The following ITPR1 variants were observed in gnomAD, a reference collection of about 807,000 sequenced individuals.
ITPR1 encodes inositol 1,4,5-trisphosphate-gated calcium channel ITPR1.
A neutral mutation model predicts 318.4 loss-of-function variants in ITPR1; 96 were observed. The observed-to-expected ratio is 0.30, with a 90% CI of 0.26 to 0.36. ITPR1 has a LOEUF of 0.36. Ranked by LOEUF, ITPR1 falls within the 10% of genes least tolerant of loss-of-function variation. The pLI is 1.00. For missense variants in ITPR1, 2,440 were observed against 3,460.2 expected (o/e 0.71, Z 7.40); for synonymous variants, 1,312 against 1,289.9 (o/e 1.02, Z -0.37).
rs949968118 is a variant in ITPR1 at position 4,672,038 on chromosome 3, G to A, written c.2205-1098G>A. On this transcript the variant is annotated intron_variant, in intron 20 of 61. Transcript: ENST00000649015. ...TTAATCCATTTCTGTAATTTGGACTGTTGGATGATATTCTGTTTTATTGAT... is the reference window on the plus strand; with the variant it reads ...TTAATCCATTTCTGTAATTTGGACTATTGGATGATATTCTGTTTTATTGAT... 9.2e-5 allele frequency among the ~76,000 whole-genome samples: 14 copies of A among 152,316 alleles called. No individual in the cohort carries two copies. In the South Asian group the frequency reaches 2.9e-3, roughly 32 times the overall value.
chr3:4,507,878 G>T (rs1460806795), intron 2 of ITPR1, among the ~76,000 whole-genome samples: 1 of 152,176 alleles, frequency 6.6e-6, no homozygotes, highest in Non-Finnish European at 1.5e-5. Context: ...TTTAATAATA[G>T]ATGAGCTATA....
chr3:4,623,025 TG>T (rs2092698394), intron 4 of ITPR1, among the ~76,000 whole-genome samples: 1 of 152,236 alleles, frequency 6.6e-6, no homozygotes. Flanking sequence ...TTCTTTTACT[TG>T]GTCACTGACA....
At chr3:4,758,387 A>C (rs943545049) in intron 44 of ITPR1, among the ~76,000 whole-genome samples, 3 of 152,070 alleles carry the variant, frequency 2.0e-5, no homozygotes, top group Non-Finnish European at 4.4e-5. Flanking sequence ...GGACACATAC[A>C]TCTATGCTCC....
chr3:4,746,079 C>T (rs2044086418), intron 44 of ITPR1, among the ~76,000 whole-genome samples: 1 of 152,188 alleles, frequency 6.6e-6, no homozygotes, highest in Non-Finnish European at 1.5e-5. Flanking sequence ...GGCACTGTTA[C>T]TTCAGGATTC....
intron 4 of ITPR1, among the ~76,000 whole-genome samples, chr3:4,597,106 A>G (rs1461217864): frequency 6.6e-6 from 1 of 152,228 alleles, no homozygotes; most frequent in Non-Finnish European, 1.5e-5. Flanking sequence ...CCATGCAGAA[A>G]TATGAGCCCC....
chr3:4,704,249 C>T (rs1044531946), intron 36 of ITPR1, among the ~76,000 whole-genome samples: 4 of 152,134 alleles, frequency 2.6e-5, no homozygotes, highest in African/African-American at 9.7e-5. Flanking sequence ...CCCATCTCTA[C>T]TAAAAATACA....
intron 4 of ITPR1, among the ~76,000 whole-genome samples, chr3:4,593,836 T>C (rs547972475): frequency 2.0e-4 from 31 of 152,286 alleles, no homozygotes; most frequent in Non-Finnish European, 3.8e-4. Context: ...GAAATGTGAA[T>C]TGAGGCCTAT....
At chr3:4,741,911 G>A (rs935076059) in intron 44 of ITPR1, among the ~76,000 whole-genome samples, 1 of 152,234 alleles carries the variant, frequency 6.6e-6, no homozygotes, top group Non-Finnish European at 1.5e-5. Context: ...ATGTGGGAAA[G>A]GAGTGAAGCC....
intron 5 of ITPR1, among the ~76,000 whole-genome samples, chr3:4,628,628 T>G (rs1014470897): frequency 1.2e-4 from 19 of 152,194 alleles, no homozygotes; most frequent in African/African-American, 4.6e-4. Flanking sequence ...CTTCATTTTC[T>G]CCCCGTCATG....
intron 54 of ITPR1, 62 bp from the exon 55 acceptor site, chr3:4,806,041 T>A (rs1485990547): frequency 7.2e-7 from 1 of 1,380,200 alleles, no homozygotes; most frequent in African/African-American, 1.4e-5. Flanking sequence ...GATGCTCTCG[T>A]TGCTCTCATG....
chr3:4,567,085 A>G (rs1386675784), intron 4 of ITPR1, among the ~76,000 whole-genome samples: 2 of 152,204 alleles, frequency 1.3e-5, no homozygotes, highest in Admixed American at 6.5e-5. Context: ...TGGGGATAAT[A>G]ATACCTATTT....
intron 2 of ITPR1, among the ~76,000 whole-genome samples, chr3:4,502,104 A>G (rs1456395401): frequency 6.6e-6 from 1 of 152,194 alleles, no homozygotes; most frequent in Non-Finnish European, 1.5e-5. Flanking sequence ...CTGATACGAC[A>G]CCCAGACGAC....
intron 23 of ITPR1, among the ~76,000 whole-genome samples, chr3:4,676,113 A>G (rs1279441718): frequency 1.3e-5 from 2 of 151,950 alleles, no homozygotes; most frequent in East Asian, 3.9e-4. Flanking sequence ...AGGCTGTAGC[A>G]GGAGGATTGC....
intron 29 of ITPR1, among the ~76,000 whole-genome samples, chr3:4,684,694 G>A (rs944233875): frequency 3.9e-4 from 59 of 152,244 alleles, no homozygotes; most frequent in African/African-American, 1.4e-3. Flanking sequence ...CCCACTGAGA[G>A]CTGTAGTTTT....
chr3:4,703,376 T>G (rs1283293233), intron 36 of ITPR1, among the ~76,000 whole-genome samples: 3 of 152,200 alleles, frequency 2.0e-5, no homozygotes, highest in African/African-American at 7.2e-5. Flanking sequence ...AATGGTGCAC[T>G]GCTCCCTTCT....
intron 2 of ITPR1, among the ~76,000 whole-genome samples, chr3:4,504,584 C>G (rs2081269008): frequency 6.6e-6 from 1 of 152,118 alleles, no homozygotes; most frequent in African/African-American, 2.4e-5. Flanking sequence ...GACAAGAAGG[C>G]AAGGAGGGGG....
At chr3:4,554,721 A>G (rs1274683972) in intron 4 of ITPR1, among the ~76,000 whole-genome samples, 2 of 152,110 alleles carry the variant, frequency 1.3e-5, no homozygotes, top group African/African-American at 2.4e-5. Flanking sequence ...GACTCGAAAT[A>G]TCTGTCTCAC....
chr3:4,807,540 A>G (rs2048663780), intron 55 of ITPR1, among the ~76,000 whole-genome samples: 1 of 152,200 alleles, frequency 6.6e-6, no homozygotes, highest in African/African-American at 2.4e-5. Context: ...GCACTGCCGA[A>G]TGATTGCCAG....
intron 4 of ITPR1, among the ~76,000 whole-genome samples, chr3:4,547,933 C>T (rs935238342): frequency 1.3e-5 from 2 of 152,060 alleles, no homozygotes; most frequent in Admixed American, 6.5e-5. Context: ...ACTTCTGCAT[C>T]CACTTACGAA....
Sources: gnomAD v4.1 joint callset for allele counts (sites outside exome capture counted in the v4.1 genomes callset) on GRCh38, gnomAD v4.1.1 for gene constraint, MANE v1.5 for transcripts, NCBI Gene and HGNC (gene_info 2026-07-23, HGNC 2026-07-21) for gene names.